The following CDH4 variants were observed in gnomAD, a reference collection of about 807,000 sequenced individuals.
CDH4 encodes cadherin-4.
CDH4 carries 33 observed loss-of-function variants against 86.0 expected under a neutral mutation model. The ratio of observed to expected loss-of-function variants is 0.38; its 90% CI spans 0.29 to 0.51. CDH4 has a LOEUF of 0.51. Among genes scored for constraint, CDH4 ranks in the 20% least tolerant of loss-of-function variants. The pLI is 0.86. For missense variants in CDH4, 1,114 were observed against 1,307.4 expected, an observed-to-expected ratio of 0.85 and a Z score of 2.28; for synonymous variants, 555 against 549.4, an observed-to-expected ratio of 1.01 and a Z score of -0.14.
At chr20:61,273,346 G>A (rs1215807899) in intron 2 of CDH4, among the ~76,000 whole-genome samples, 14 of 125,728 alleles carry the variant, frequency 1.1e-4, no homozygotes, top group East Asian at 5.5e-4. Context: ...AGTACCTTGT[G>A]CAGTTTGGGG....
chr20:61,860,921 C>CG (rs1045445301), intron 6 of CDH4, among the ~76,000 whole-genome samples: 1 of 152,166 alleles, frequency 6.6e-6, no homozygotes, highest in Non-Finnish European at 1.5e-5. Context: ...GAGAAGTACC[C>CG]GGGGGACCCT....
intron 2 of CDH4, among the ~76,000 whole-genome samples, chr20:61,410,233 C>T (rs897599197): frequency 9.9e-5 from 15 of 152,112 alleles, no homozygotes; most frequent in African/African-American, 3.4e-4. Flanking sequence ...CATCTGCCCA[C>T]CCATCCATTC....
At chr20:61,918,758 C>A (rs1032773206) in intron 9 of CDH4, among the ~76,000 whole-genome samples, 1 of 152,174 alleles carries the variant, frequency 6.6e-6, no homozygotes, top group Non-Finnish European at 1.5e-5. Flanking sequence ...CGTGGGGACC[C>A]AGGACCAGAA....
chr20:61,667,087 C>T (rs1408056225), intron 2 of CDH4, among the ~76,000 whole-genome samples: 3 of 152,234 alleles, frequency 2.0e-5, no homozygotes, highest in Non-Finnish European at 4.4e-5. Flanking sequence ...CACCCAGGGT[C>T]CCTGTGGATG....
chr20:61,265,117 A>T (rs56132861), intron 2 of CDH4, among the ~76,000 whole-genome samples: 2,614 of 138,410 alleles, frequency 0.019, 43 homozygotes, highest in Non-Finnish European at 0.026. Flanking sequence ...TCTTACACAT[A>T]CAGTGGCTCC....
intron 2 of CDH4, among the ~76,000 whole-genome samples, chr20:61,444,295 T>TTGTGTATCTGTATATGAG (rs1368123558): frequency 9.5e-4 from 1 of 1,056 alleles, no homozygotes; most frequent in African/African-American, 3.7e-3. Flanking sequence ...ATGTGTGGGT[T>TTGTGTATCTGTATATGAG]TCTTTGTGTA....
chr20:61,392,837 G>A lies in CDH4; in HGVS notation c.169+137900G>A, dbSNP rs566591272. 2.6e-5 allele frequency among the ~76,000 whole-genome samples: 4 copies of A among 152,174 alleles called. No homozygotes were observed. Among genetic ancestry groups the A allele is most frequent in the South Asian group, 4.2e-4 (2 of 4,806 alleles). On this transcript the variant is annotated intron_variant, in intron 2 of 15. Transcript: ENST00000614565. The surrounding 1 kb of genome is among the most constrained non-coding windows in gnomAD (Gnocchi z 5.7). Reference sequence around the variant, plus strand: ...TGCTCTAGAAATGTCAGATGCATTCGTCTTCCATTAGCCCCTCCACCATCC... The same window carrying A: ...TGCTCTAGAAATGTCAGATGCATTCATCTTCCATTAGCCCCTCCACCATCC...
intron 2 of CDH4, among the ~76,000 whole-genome samples, chr20:61,566,561 A>G (rs2086299537): frequency 6.6e-6 from 1 of 151,776 alleles, no homozygotes; most frequent in African/African-American, 2.4e-5. Flanking sequence ...ACATGGGGAG[A>G]GAGGAGGTCT....
At chr20:61,312,318 GTGTGTGGTGTGTGTGTATA>G (rs2084450990) in intron 2 of CDH4, among the ~76,000 whole-genome samples, 2 of 151,626 alleles carry the variant, frequency 1.3e-5, no homozygotes, top group African/African-American at 4.8e-5. Flanking sequence ...GTGTGTGCAT[GTGTGTGGTGTGTGTGTATA>G]TGTGTGCGAT....
At chr20:61,362,911 A>G (rs1344078155) in intron 2 of CDH4, among the ~76,000 whole-genome samples, 3 of 152,200 alleles carry the variant, frequency 2.0e-5, no homozygotes, top group Non-Finnish European at 2.9e-5. Flanking sequence ...TAACTTTTCA[A>G]GAATGTGAAC....
intron 3 of CDH4, among the ~76,000 whole-genome samples, chr20:61,761,920 T>G (rs528779295): frequency 2.0e-5 from 3 of 151,956 alleles, no homozygotes; most frequent in African/African-American, 7.3e-5. Flanking sequence ...AGCAGGCAGC[T>G]CCGCACAGCA....
At chr20:61,931,942 C>A (rs574289457) in intron 13 of CDH4, among the ~76,000 whole-genome samples, 1 of 152,220 alleles carries the variant, frequency 6.6e-6, no homozygotes, top group East Asian at 1.9e-4. Flanking sequence ...TCTGAGTGAC[C>A]CCCTCGGTAC....
At chr20:61,302,311 G>A (rs1028500843) in intron 2 of CDH4, among the ~76,000 whole-genome samples, 7 of 152,194 alleles carry the variant, frequency 4.6e-5, no homozygotes, top group Admixed American at 3.9e-4. Context: ...CCTCACTGTG[G>A]TGCAGATGTG....
At position 61,342,676 on chromosome 20, in the gene CDH4, C is replaced by T. The variant is rs140737039; in HGVS notation, c.169+87739C>T. On this transcript the variant is annotated intron_variant, in intron 2 of 15. Coordinates refer to ENST00000614565, the MANE Select transcript of CDH4 (RefSeq NM_001794.5). ...GTCCAGTCCCGGGGGTTGGGGACCC[C>T]GACTCAGACCATTCATTCTGCCCTG... Among the ~76,000 whole-genome samples, 43 of 152,230 alleles carry T rather than the reference C, an allele frequency of 2.8e-4. No individual in the cohort carries two copies. The East Asian group carries it at 3.7e-3, about 13-fold the overall frequency.
chr20:61,314,290 C>T (rs2084464528), intron 2 of CDH4, among the ~76,000 whole-genome samples: 1 of 152,230 alleles, frequency 6.6e-6, no homozygotes, highest in African/African-American at 2.4e-5. Flanking sequence ...CTCCCAGCCC[C>T]AGGCAACCAT....
At position 61,928,212 on chromosome 20, in the gene CDH4, C is replaced by T. The variant is rs113168761; in HGVS notation, c.1794C>T (p.Thr598=). The T allele has an allele frequency of 5.1e-5, 82 of 1,602,026 alleles. No homozygotes were observed. The African/African-American group carries it at 7.5e-4, about 15-fold the overall frequency. The change falls in exon 12 of 16, where the codon ACC becomes ACT. Residue 598 remains threonine (T), a synonymous_variant. Coordinates refer to ENST00000614565, the MANE Select transcript of CDH4 (RefSeq NM_001794.5). ...ADNGIPPASG[T]GTLQIYLIDI... ...CAGGGATACCCCCGGCCAGCGGCAC[C>T]GGGACCCTCCAGATCTATCTCATTG...
intron 2 of CDH4, among the ~76,000 whole-genome samples, chr20:61,576,534 T>C (rs1659804774): frequency 6.6e-6 from 1 of 152,200 alleles, no homozygotes; most frequent in South Asian, 2.1e-4. Context: ...AAAATATGTC[T>C]GTACCACTGC....
At chr20:61,935,460 G>C (rs980810601) in intron 15 of CDH4, among the ~76,000 whole-genome samples, 7 of 152,086 alleles carry the variant, frequency 4.6e-5, no homozygotes, top group Non-Finnish European at 1.0e-4. Context: ...AATTAATTTA[G>C]AGCCCACTGT....
chr20:61,816,028 T>C (rs575472292), intron 4 of CDH4, among the ~76,000 whole-genome samples: 20 of 152,270 alleles, frequency 1.3e-4, no homozygotes, highest in Non-Finnish European at 2.2e-4. Context: ...GGAAGCTGCA[T>C]TTCAGAACAA....
Sources: gnomAD v4.1 joint callset for allele counts (sites outside exome capture counted in the v4.1 genomes callset) on GRCh38, gnomAD v4.1.1 for gene constraint, Gnocchi (gnomAD v3.1) non-coding constraint, MANE v1.5 for transcripts, NCBI Gene and HGNC (gene_info 2026-07-23, HGNC 2026-07-21) for gene names.